TMEM178B: variants seen among roughly 807,000 people sequenced by gnomAD.
TMEM178B encodes transmembrane protein 178B.
TMEM178B carries 5 observed loss-of-function variants against 31.0 expected under a neutral mutation model. The ratio of observed to expected loss-of-function variants is 0.16; its 90% CI spans 0.08 to 0.34. The LOEUF is 0.34. TMEM178B is among the 10% of genes least tolerant of loss of function. The probability of loss-of-function intolerance (pLI) is 1.00; values close to 1 mark genes in which losing one functional copy is unlikely to be tolerated. For synonymous variants in TMEM178B, 164 were observed against 164.0 expected (o/e 1.00, Z 0.00); for missense variants, 275 against 400.3 (o/e 0.69, Z 2.67).
At chr7:141,181,989 G>T (rs1796537460) in intron 1 of TMEM178B, among the ~76,000 whole-genome samples, 1 of 152,122 alleles carries the variant, frequency 6.6e-6, no homozygotes, top group African/African-American at 2.4e-5. Context: ...TTAGACTGGG[G>T]GTCATTATCA....
At chr7:141,381,914 A>T (rs984934419) in intron 2 of TMEM178B, among the ~76,000 whole-genome samples, 1 of 152,192 alleles carries the variant, frequency 6.6e-6, no homozygotes, top group East Asian at 1.9e-4. Context: ...CCAGATTTCA[A>T]TCTCAACCCT....
chr7:141,442,691 G>C (rs568972021), intron 3 of TMEM178B, among the ~76,000 whole-genome samples: 6 of 152,242 alleles, frequency 3.9e-5, no homozygotes, highest in African/African-American at 1.4e-4. Flanking sequence ...TCCAATTCAG[G>C]TTCCACCCTT....
chr7:141,219,979 A>G (rs1468488957), intron 2 of TMEM178B, among the ~76,000 whole-genome samples: 1 of 152,100 alleles, frequency 6.6e-6, no homozygotes, highest in Admixed American at 6.5e-5. Context: ...GCCTGCCCCA[A>G]GGAATGATGG....
intron 2 of TMEM178B, among the ~76,000 whole-genome samples, chr7:141,380,209 A>C (rs1035018439): frequency 6.6e-6 from 1 of 152,174 alleles, no homozygotes; most frequent in Non-Finnish European, 1.5e-5. Flanking sequence ...CCTAGAACTG[A>C]TTGTAGTTCT....
intron 2 of TMEM178B, among the ~76,000 whole-genome samples, chr7:141,222,768 G>A (rs1797276804): frequency 6.6e-6 from 1 of 152,180 alleles, no homozygotes; most frequent in African/African-American, 2.4e-5. Context: ...ATGTGTGATG[G>A]GAGCTTGCAT....
chr7:141,465,047 A>C (rs1280769475), intron 3 of TMEM178B, among the ~76,000 whole-genome samples: 1 of 152,236 alleles, frequency 6.6e-6, no homozygotes, highest in Non-Finnish European at 1.5e-5. Context: ...ATTACTATTT[A>C]TTCTAGTTCT....
intron 2 of TMEM178B, among the ~76,000 whole-genome samples, chr7:141,361,154 G>A (rs1799911722): frequency 6.6e-6 from 1 of 152,198 alleles, no homozygotes; most frequent in Non-Finnish European, 1.5e-5. Context: ...GGTATTTCAA[G>A]AGAGGCCAGT....
chr7:141,316,210 G>C (rs1407109110), intron 2 of TMEM178B, among the ~76,000 whole-genome samples: 1 of 152,164 alleles, frequency 6.6e-6, no homozygotes, highest in Admixed American at 6.5e-5. Flanking sequence ...GACAAGATTG[G>C]CTGGCTGGTG....
the TMEM178B span, among the ~76,000 whole-genome samples, chr7:141,495,119 C>T: frequency 1.3e-5 from 2 of 152,190 alleles, no homozygotes; most frequent in Non-Finnish European, 2.9e-5. Flanking sequence ...ATTTGCATCT[C>T]ACAGTTATTG....
chr7:141,511,292 AAAG>A, the TMEM178B span, among the ~76,000 whole-genome samples: 1 of 5,270 alleles, frequency 1.9e-4, no homozygotes, highest in Non-Finnish European at 3.4e-4. Context: ...TGTGGCCCAG[AAAG>A]AAGAACAAGA....
In TMEM178B at chr7:141,216,455, G is replaced by GCA. The variant is rs1797151256; in HGVS notation, c.496+3752_496+3753insAC. 2.9e-3 allele frequency among the ~76,000 whole-genome samples: 74 copies of GCA among 25,644 alleles called. 2 individuals carry two copies. Among genetic ancestry groups the GCA allele is most frequent in the African/African-American group, 5.2e-3 (74 of 14,204 alleles). 16.8% of individuals were successfully genotyped at this position (25,644 alleles called of 152,430 possible). A position where few individuals can be genotyped will look rare whatever the true frequency, so the allele number is the denominator to read the frequency against. On this transcript the variant is annotated intron_variant, in intron 2 of 3. Transcript: ENST00000565468. ...TGTGTGTGTGTGTGTGTGTGCGCGC[G>GCA]CGCGCGCGTGTGTGTGTGTGGGTGT...
chr7:141,225,902 G>C (rs1007393689), intron 2 of TMEM178B, among the ~76,000 whole-genome samples: 1 of 152,144 alleles, frequency 6.6e-6, no homozygotes, highest in Non-Finnish European at 1.5e-5. Context: ...CCAGTCTTAG[G>C]CCCCAGTCTC....
intron 2 of TMEM178B, among the ~76,000 whole-genome samples, chr7:141,327,072 C>A (rs1799204517): frequency 6.6e-6 from 1 of 152,178 alleles, no homozygotes; most frequent in Non-Finnish European, 1.5e-5. Flanking sequence ...TGCCATTGTT[C>A]AAGCTGAGTG....
chr7:141,087,638 A>G (rs533656587), intron 1 of TMEM178B, among the ~76,000 whole-genome samples: 29 of 152,334 alleles, frequency 1.9e-4, no homozygotes, highest in African/African-American at 7.0e-4. Context: ...AAAGGTGAGA[A>G]TTGATAAAAA....
chr7:141,420,363 G>A (rs1353402905), intron 2 of TMEM178B, among the ~76,000 whole-genome samples: 1 of 152,172 alleles, frequency 6.6e-6, no homozygotes, highest in Non-Finnish European at 1.5e-5. Context: ...AATGTAGGAT[G>A]AACCCAAAGA....
chr7:141,138,095 TCAGTCGCCCAGGCTGGAGTG>T (rs1795705083), intron 1 of TMEM178B, among the ~76,000 whole-genome samples: 1 of 151,020 alleles, frequency 6.6e-6, no homozygotes, highest in Admixed American at 6.6e-5. Context: ...AGAGTCTCGC[TCAGTCGCCCAGGCTGGAGTG>T]CAGTGGCGCC....
intron 1 of TMEM178B, among the ~76,000 whole-genome samples, chr7:141,191,565 A>G (rs183982234): frequency 6.5e-4 from 99 of 152,332 alleles, no homozygotes; most frequent in African/African-American, 2.2e-3. Flanking sequence ...AATGGCATTC[A>G]GTGTAGATTT....
At chr7:141,247,554 A>C (rs1371849908) in intron 2 of TMEM178B, among the ~76,000 whole-genome samples, 6 of 151,986 alleles carry the variant, frequency 3.9e-5, no homozygotes, top group African/African-American at 1.2e-4. Flanking sequence ...TGGGAAAGGG[A>C]TTTTCTTTGG....
intron 2 of TMEM178B, among the ~76,000 whole-genome samples, chr7:141,419,417 T>C (rs1175169359): frequency 1.3e-5 from 2 of 152,156 alleles, no homozygotes; most frequent in African/African-American, 2.4e-5. Flanking sequence ...TGATCACTAA[T>C]TCCTAACAGT....
Sources: gnomAD v4.1 joint callset for allele counts (sites outside exome capture counted in the v4.1 genomes callset) on GRCh38, gnomAD v4.1.1 for gene constraint, MANE v1.5 for transcripts, NCBI Gene and HGNC (gene_info 2026-07-23, HGNC 2026-07-21) for gene names.